The following FOXP2 variants were observed in gnomAD, a reference collection of about 807,000 sequenced individuals.
FOXP2 encodes the protein forkhead box protein P2.
In FOXP2, 12 loss-of-function variants were observed where a neutral mutation model predicts 115.8. The ratio of observed to expected loss-of-function variants is 0.10; its 90% CI spans 0.07 to 0.17. The LOEUF is 0.17. FOXP2 is among the 10% of genes least tolerant of loss of function. The pLI is 1.00. For synonymous variants in FOXP2, 328 were observed against 297.7 expected, an observed-to-expected ratio of 1.10 and a Z score of -1.05; for missense variants, 629 against 843.5, an observed-to-expected ratio of 0.75 and a Z score of 3.15.
At position 114,179,947 on chromosome 7, in the gene FOXP2, C is replaced by T. The variant is rs137856711; in HGVS notation, c.-102+16859C>T. ...TGTATTTTCTTCTGTACATTCTTGA[C>T]TCTTGGACCAGTCTCCTTTTCTACA... On this transcript the variant is annotated intron_variant, in intron 1 of 17. Coordinates refer to the FOXP2 transcript ENST00000634411. Among the ~76,000 whole-genome samples, 679 of 151,984 alleles carry T rather than the reference C, an allele frequency of 4.5e-3. 6 individuals carry two copies. The highest frequency in any genetic ancestry group is 0.016 in the African/African-American group (644 of 41,522).
At chr7:114,128,240 G>A (rs969305480) in intron 1 of FOXP2, among the ~76,000 whole-genome samples, 4 of 152,018 alleles carry the variant, frequency 2.6e-5, no homozygotes, top group Non-Finnish European at 5.9e-5. Flanking sequence ...CAAACAAACC[G>A]AAGGAATTTT....
chr7:114,630,643 A>G (rs1396214198), intron 5 of FOXP2: 3 of 154,248 alleles, frequency 1.9e-5, no homozygotes, highest in Admixed American at 6.4e-5. Context: ...CAAGCTGCCC[A>G]TTATGCAAAC....
In FOXP2 at chr7:114,415,134, G is replaced by T; in HGVS notation, c.-237G>T. The T allele has an allele frequency of 2.2e-6, 1 of 454,294 alleles. No individual in the cohort carries two copies. The highest frequency in any genetic ancestry group is 1.6e-5 in the South Asian group (1 of 64,476). The allele number at this position is 454,294 out of a possible 1,614,324, so 28.1% of individuals were successfully genotyped here. ...TTTGTTTTAATTACCAGCACAAAAT[G>T]CCATCAGTCTGGGACGTGATCGGGC... On this transcript the variant is annotated 5_prime_UTR_variant, in exon 1 of 17. The change abolishes an upstream ATG in the 5' untranslated region. Coordinates refer to ENST00000350908, the MANE Select transcript of FOXP2 (RefSeq NM_014491.4).
At chr7:114,209,565 T>A (rs142859566) in intron 1 of FOXP2, among the ~76,000 whole-genome samples, 1 of 152,374 alleles carries the variant, frequency 6.6e-6, no homozygotes, top group Non-Finnish European at 1.5e-5. Context: ...TCTTTCTTTC[T>A]GGCTGCCCGT....
chr7:114,189,373 A>T (rs983065229), intron 1 of FOXP2, among the ~76,000 whole-genome samples: 2 of 152,188 alleles, frequency 1.3e-5, no homozygotes, highest in East Asian at 3.9e-4. Context: ...GCTGATTTTT[A>T]TTAACATAGA....
chr7:114,240,459 A>G (rs914839584), intron 1 of FOXP2, among the ~76,000 whole-genome samples: 2 of 152,092 alleles, frequency 1.3e-5, no homozygotes, highest in African/African-American at 4.8e-5. Context: ...CTTTTCCATG[A>G]TAATTTATTA....
At position 114,348,795 on chromosome 7, in the gene FOXP2, T is replaced by C. The variant is rs1791407977; in HGVS notation, c.-11+60686T>C. 3.3e-5 allele frequency among the ~76,000 whole-genome samples: 5 copies of C among 152,070 alleles called. 1 individual carries two copies. The South Asian group carries it at 1.0e-3, about 31-fold the overall frequency. ...TTAGCTTTGGAAGAGAGAGATGCTT[T>C]TGCAAGGGTCAAACTAAGTAACAAT... On this transcript the variant is annotated intron_variant, in intron 2 of 17. Coordinates refer to the FOXP2 transcript ENST00000634411.
At chr7:114,646,108 G>A (rs1205403061) in intron 8 of FOXP2, among the ~76,000 whole-genome samples, 1 of 142,428 alleles carries the variant, frequency 7.0e-6, no homozygotes, top group Non-Finnish European at 1.5e-5. Flanking sequence ...AAGAACATAG[G>A]GATGTTATTT....
At chr7:114,318,070 T>G (rs946058845) in intron 2 of FOXP2, among the ~76,000 whole-genome samples, 1 of 152,192 alleles carries the variant, frequency 6.6e-6, no homozygotes, top group African/African-American at 2.4e-5. Context: ...ATCACTCTCA[T>G]CCTAACCTAT....
Position 114,414,969 on chromosome 7 carries a change from A to C in FOXP2, c.-402A>C. 1 of 415,362 alleles carries C rather than the reference A, an allele frequency of 2.4e-6. No individual in the cohort carries two copies. The highest frequency in any genetic ancestry group is 1.8e-5 in the South Asian group (1 of 56,372). 25.7% of individuals were successfully genotyped at this position (415,362 alleles called of 1,614,324 possible). On this transcript the variant is annotated 5_prime_UTR_variant, in exon 1 of 17. Coordinates refer to ENST00000350908, the MANE Select transcript of FOXP2 (RefSeq NM_014491.4). Reference sequence around the variant, plus strand: ...ACAAAAATGAAGCACTTACTTTAGAAAGATTATGGTAAGCATGCTGGCTCA... The same window carrying C: ...ACAAAAATGAAGCACTTACTTTAGACAGATTATGGTAAGCATGCTGGCTCA...
At chr7:114,579,430 G>T (rs745820558) in intron 3 of FOXP2, among the ~76,000 whole-genome samples, 3 of 152,038 alleles carry the variant, frequency 2.0e-5, no homozygotes, top group Non-Finnish European at 2.9e-5. Context: ...TAAGTATCTG[G>T]GACCTATCAA....
chr7:114,316,423 C>T (rs529094419), intron 2 of FOXP2, among the ~76,000 whole-genome samples: 13 of 152,278 alleles, frequency 8.5e-5, no homozygotes, highest in Admixed American at 4.6e-4. Flanking sequence ...CAGATTTAGT[C>T]ATCAACAAAA....
chr7:114,688,208 T>TACACACACACACAC (rs56751704), intron 16 of FOXP2, among the ~76,000 whole-genome samples: 6 of 115,362 alleles, frequency 5.2e-5, no homozygotes, highest in East Asian at 5.4e-4. Flanking sequence ...CATACATGCA[T>TACACACACACACAC]ACACACACAC....
At chr7:114,131,106 C>T (rs544698392) in intron 1 of FOXP2, among the ~76,000 whole-genome samples, 4 of 152,204 alleles carry the variant, frequency 2.6e-5, no homozygotes, top group East Asian at 1.9e-4. Flanking sequence ...CAGTTTTGGC[C>T]TTTAATGGCA....
chr7:114,690,009 T>G lies in FOXP2; in HGVS notation c.*83T>G. ...CCACAACCATGAATATTTGACAAAT[T>G]TTTACTGTGACTATTTATTAAGCAT... On this transcript the variant is annotated 3_prime_UTR_variant, in exon 17 of 17. Coordinates refer to ENST00000350908, the MANE Select transcript of FOXP2 (RefSeq NM_014491.4). 5 of 1,526,154 alleles carry G rather than the reference T, an allele frequency of 3.3e-6. No homozygotes were observed. The highest frequency in any genetic ancestry group is 3.6e-6 in the Non-Finnish European group (4 of 1,108,416). 94.5% of individuals were successfully genotyped at this position (1,526,154 alleles called of 1,614,324 possible).
rs1562874756 is a variant in FOXP2 at position 114,332,112 on chromosome 7, A to ATG, written c.-11+44003_-11+44004insTG. Among the ~76,000 whole-genome samples, 151 of 150,988 alleles carry ATG rather than the reference A, an allele frequency of 1.0e-3. 2 individuals carry two copies. In the East Asian group the frequency reaches 0.011, roughly 11 times the overall value. On this transcript the variant is annotated intron_variant, in intron 2 of 17. Coordinates refer to the FOXP2 transcript ENST00000634411. Reference sequence around the variant, plus strand: ...TGTACCTCTGTGTGTGGGCATATGAACGTGTGTGTGTGTGTGTGCGTGTGT... The same window carrying ATG: ...TGTACCTCTGTGTGTGGGCATATGAATGCGTGTGTGTGTGTGTGTGCGTGTGT...
intron 1 of FOXP2, among the ~76,000 whole-genome samples, chr7:114,122,624 G>T (rs865888630): frequency 6.6e-6 from 1 of 151,854 alleles, no homozygotes; most frequent in African/African-American, 2.4e-5. Context: ...TTCTCTGTGG[G>T]CTGTCAGGTA....
intron 3 of FOXP2, among the ~76,000 whole-genome samples, chr7:114,559,651 G>A (rs1800656089): frequency 6.6e-6 from 1 of 152,176 alleles, no homozygotes; most frequent in Admixed American, 6.5e-5. Context: ...GGGAGGCCAA[G>A]GCGGGCAGAT....
intron 2 of FOXP2, among the ~76,000 whole-genome samples, chr7:114,399,974 A>G (rs1185740684): frequency 1.3e-5 from 2 of 148,900 alleles, no homozygotes; most frequent in African/African-American, 5.0e-5. Flanking sequence ...CTCCTGCCTC[A>G]GCCTTCTGAG....
Sources: gnomAD v4.1 joint callset for allele counts (sites outside exome capture counted in the v4.1 genomes callset) on GRCh38, gnomAD v4.1.1 for gene constraint, MANE v1.5 for transcripts, NCBI Gene and HGNC (gene_info 2026-07-23, HGNC 2026-07-21) for gene names.